The following SEMA6D variants were observed in gnomAD, a reference collection of about 807,000 sequenced individuals.
SEMA6D encodes semaphorin-6D.
In SEMA6D, 35 loss-of-function variants were observed where a neutral mutation model predicts 106.6. That is an observed-to-expected ratio of 0.33 (90% CI 0.25 to 0.44). The LOEUF is 0.44. SEMA6D is among the 20% of genes least tolerant of loss of function. The pLI is 1.00. For synonymous variants in SEMA6D, 499 were observed against 487.7 expected (o/e 1.02, Z -0.31); for missense variants, 1,185 against 1,345.9 (o/e 0.88, Z 1.87).
intron 4 of SEMA6D, among the ~76,000 whole-genome samples, chr15:47,679,419 A>C (rs557949437): frequency 6.6e-6 from 1 of 152,204 alleles, no homozygotes; most frequent in East Asian, 1.9e-4. Context: ...GAAATAAAAA[A>C]AAGTACTTCT....
chr15:47,652,267 C>G (rs1185623680), intron 4 of SEMA6D, among the ~76,000 whole-genome samples: 2 of 152,106 alleles, frequency 1.3e-5, no homozygotes, highest in East Asian at 3.9e-4. Context: ...AACCCAAAAT[C>G]TATTATTTTC....
intron 3 of SEMA6D, among the ~76,000 whole-genome samples, chr15:47,572,055 C>G (rs1042319145): frequency 5.9e-5 from 9 of 152,186 alleles, no homozygotes; most frequent in African/African-American, 2.2e-4. Flanking sequence ...ACTTCTGACT[C>G]TAGATGAGGT....
At chr15:47,680,377 G>A (rs745624236) in intron 4 of SEMA6D, among the ~76,000 whole-genome samples, 3 of 152,006 alleles carry the variant, frequency 2.0e-5, no homozygotes, top group South Asian at 4.2e-4. Flanking sequence ...TCATCTTTGG[G>A]GTCACTTCGT....
intron 3 of SEMA6D, among the ~76,000 whole-genome samples, chr15:47,471,366 C>G (rs1318868608): frequency 1.3e-5 from 2 of 152,304 alleles, no homozygotes; most frequent in African/African-American, 4.8e-5. Context: ...ACTTTCCCCC[C>G]CAGAAATGGG....
At chr15:47,371,320 C>T (rs2039265442) in intron 1 of SEMA6D, among the ~76,000 whole-genome samples, 1 of 152,190 alleles carries the variant, frequency 6.6e-6, no homozygotes, top group Admixed American at 6.5e-5. Flanking sequence ...ATGGCTTACA[C>T]ATAGGCAGAA....
At chr15:47,671,037 A>G (rs2078126893) in intron 4 of SEMA6D, among the ~76,000 whole-genome samples, 1 of 152,196 alleles carries the variant, frequency 6.6e-6, no homozygotes, top group South Asian at 2.1e-4. Flanking sequence ...TTCCATTTTC[A>G]AAGAAATCAG....
intron 3 of SEMA6D, among the ~76,000 whole-genome samples, chr15:47,511,562 G>A (rs910525871): frequency 2.0e-5 from 3 of 152,054 alleles, no homozygotes; most frequent in African/African-American, 2.4e-5. Context: ...TGACACTATT[G>A]TCTCTCCCTT....
intron 2 of SEMA6D, among the ~76,000 whole-genome samples, chr15:47,445,205 G>T (rs948667351): frequency 6.6e-6 from 1 of 152,024 alleles, no homozygotes; most frequent in Admixed American, 6.6e-5. Context: ...TACAGAAGAG[G>T]GGGGTGTGGT....
At chr15:47,724,927 G>A (rs937583213) in intron 1 of SEMA6D, among the ~76,000 whole-genome samples, 3 of 152,208 alleles carry the variant, frequency 2.0e-5, no homozygotes, top group Non-Finnish European at 2.9e-5. Context: ...GTTGCAAGGA[G>A]TAAGATGATT....
chr15:47,613,378 TC>T (rs2076948513), intron 4 of SEMA6D, among the ~76,000 whole-genome samples: 1 of 152,148 alleles, frequency 6.6e-6, no homozygotes, highest in Non-Finnish European at 1.5e-5. Flanking sequence ...TCAATTTCCT[TC>T]CAGGTTTTGA....
At chr15:47,757,848 G>T (rs1273551886) in intron 1 of SEMA6D, among the ~76,000 whole-genome samples, 1 of 152,136 alleles carries the variant, frequency 6.6e-6, no homozygotes, top group Non-Finnish European at 1.5e-5. Flanking sequence ...GGGTAGAGAG[G>T]TCTAACTTTT....
At chr15:47,251,578 T>G (rs2033514134) in intron 1 of SEMA6D, among the ~76,000 whole-genome samples, 1 of 152,210 alleles carries the variant, frequency 6.6e-6, no homozygotes, top group African/African-American at 2.4e-5. Context: ...AATTATTGCT[T>G]ATTTTGTTAT....
At chr15:47,569,352 A>AG (rs1389953805) in intron 3 of SEMA6D, among the ~76,000 whole-genome samples, 1 of 152,138 alleles carries the variant, frequency 6.6e-6, no homozygotes, top group African/African-American at 2.4e-5. Context: ...GCAAGTTTCT[A>AG]GGGGTCTTAT....
At chr15:47,386,190 A>G (rs2039833551) in intron 1 of SEMA6D, among the ~76,000 whole-genome samples, 1 of 152,194 alleles carries the variant, frequency 6.6e-6, no homozygotes, top group African/African-American at 2.4e-5. Context: ...ACAGATAACC[A>G]TAATTTAAGG....
intron 1 of SEMA6D, among the ~76,000 whole-genome samples, chr15:47,358,231 CT>C (rs1173477567): frequency 2.0e-5 from 3 of 152,134 alleles, no homozygotes; most frequent in African/African-American, 7.2e-5. Flanking sequence ...GTTAGTGTCC[CT>C]GGATGGATAG....
At chr15:47,480,383 A>G (rs1389721554) in intron 3 of SEMA6D, among the ~76,000 whole-genome samples, 6 of 152,066 alleles carry the variant, frequency 3.9e-5, no homozygotes, top group Non-Finnish European at 8.8e-5. Context: ...GACAAAGTCG[A>G]ATAACCTCAC....
At chr15:47,553,146 C>T (rs1022109018) in intron 3 of SEMA6D, among the ~76,000 whole-genome samples, 10 of 151,050 alleles carry the variant, frequency 6.6e-5, no homozygotes, top group Non-Finnish European at 1.0e-4. Flanking sequence ...TCAGGCAATC[C>T]GCCCATCTTG....
chr15:47,237,669 T>G (rs1337006302), intron 1 of SEMA6D, among the ~76,000 whole-genome samples: 1 of 152,022 alleles, frequency 6.6e-6, no homozygotes, highest in Non-Finnish European at 1.5e-5. Flanking sequence ...GAAGTTGCTT[T>G]GGGCTGCTCT....
At chr15:47,742,194 A>G (rs565691309) in intron 1 of SEMA6D, among the ~76,000 whole-genome samples, 5 of 152,362 alleles carry the variant, frequency 3.3e-5, no homozygotes, top group African/African-American at 1.2e-4. Context: ...GCAAACTGCA[A>G]CTAAATAAAG....
Sources: gnomAD v4.1 joint callset for allele counts (sites outside exome capture counted in the v4.1 genomes callset) on GRCh38, gnomAD v4.1.1 for gene constraint, MANE v1.5 for transcripts, NCBI Gene and HGNC (gene_info 2026-07-23, HGNC 2026-07-21) for gene names.